Variants in STPG2 observed in about 807,000 individuals in gnomAD.
The protein encoded by STPG2 is sperm tail PG-rich repeat containing 2.
A neutral mutation model predicts 54.2 loss-of-function variants in STPG2; 56 were observed. The ratio of observed to expected loss-of-function variants is 1.03; its 90% CI spans 0.83 to 1.29. The LOEUF (loss-of-function observed/expected upper bound fraction) is 1.29. Ranked by LOEUF, STPG2 falls within the 50% of genes most tolerant of loss-of-function variation. STPG2 has a pLI of 0.00. For missense variants in STPG2, 596 were observed against 544.9 expected (o/e 1.09, Z -0.93); for synonymous variants, 200 against 181.8 (o/e 1.10, Z -0.81).
intron 4 of STPG2, among the ~76,000 whole-genome samples, chr4:97,540,317 C>A (rs996565307): frequency 6.6e-6 from 1 of 152,082 alleles, no homozygotes; most frequent in African/African-American, 2.4e-5. Context: ...CACAGACATA[C>A]AAACTACCAT....
At chr4:97,692,404 A>G (rs900766604) in intron 10 of STPG2, among the ~76,000 whole-genome samples, 2 of 152,090 alleles carry the variant, frequency 1.3e-5, no homozygotes, top group African/African-American at 2.4e-5. Flanking sequence ...AATGCACTGG[A>G]AAGTCTCAGC....
chr4:97,694,572 G>C (rs536043347), intron 10 of STPG2, among the ~76,000 whole-genome samples: 1 of 152,040 alleles, frequency 6.6e-6, no homozygotes, highest in Admixed American at 6.6e-5. Context: ...ACTTTGGGAG[G>C]CCGAGGCGGG....
At chr4:97,690,516 T>C (rs762652431) in intron 10 of STPG2, among the ~76,000 whole-genome samples, 10 of 152,010 alleles carry the variant, frequency 6.6e-5, no homozygotes, top group African/African-American at 1.2e-4. Context: ...ATAATGATTA[T>C]ACAAACTGAT....
chr4:97,614,606 T>C (rs9992841), intron 10 of STPG2, among the ~76,000 whole-genome samples: 97,067 of 151,924 alleles, frequency 0.64, 31,393 homozygotes, highest in African/African-American at 0.73. Flanking sequence ...CTTGACCAGT[T>C]ATCCACTTTT....
At chr4:97,922,764 C>T (rs557888609) in intron 8 of STPG2, among the ~76,000 whole-genome samples, 3 of 152,284 alleles carry the variant, frequency 2.0e-5, no homozygotes, top group African/African-American at 7.2e-5. Flanking sequence ...TTTCAATAGG[C>T]TTCTACATTC....
downstream of STPG2, among the ~76,000 whole-genome samples, chr4:97,554,705 C>T (rs185301469): frequency 9.3e-4 from 141 of 152,222 alleles, 2 homozygotes; most frequent in Non-Finnish European, 1.8e-3. Flanking sequence ...TATAAAACTC[C>T]AATGATAATA....
At chr4:97,879,408 T>A (rs891707072) in intron 8 of STPG2, among the ~76,000 whole-genome samples, 3 of 152,150 alleles carry the variant, frequency 2.0e-5, no homozygotes, top group African/African-American at 7.2e-5. Context: ...AATGGACTCA[T>A]AGTTCCACAT....
intron 4 of STPG2, among the ~76,000 whole-genome samples, chr4:97,541,380 A>G (rs2148861841): frequency 6.6e-6 from 1 of 152,332 alleles, no homozygotes; most frequent in South Asian, 2.1e-4. Flanking sequence ...ATTGCTTCAA[A>G]GAGAATAAAA....
intron 8 of STPG2, among the ~76,000 whole-genome samples, chr4:97,866,653 G>C (rs1426732534): frequency 6.6e-6 from 1 of 151,916 alleles, no homozygotes; most frequent in South Asian, 2.1e-4. Flanking sequence ...ACAGAATATA[G>C]ATGGGATCAT....
chr4:97,542,810 G>A (rs923224279), intron 4 of STPG2, among the ~76,000 whole-genome samples: 6 of 152,162 alleles, frequency 3.9e-5, no homozygotes, highest in Admixed American at 6.6e-5. Context: ...ATGAGTTCAT[G>A]TCCTTTGTAG....
intron 5 of STPG2, among the ~76,000 whole-genome samples, chr4:98,032,118 G>A (rs990207821): frequency 1.3e-5 from 2 of 152,214 alleles, no homozygotes; most frequent in African/African-American, 4.8e-5. Flanking sequence ...CTGCTGGTGG[G>A]AATGTAAACT....
chr4:97,998,763 T>C (rs1243358043), intron 5 of STPG2, among the ~76,000 whole-genome samples: 2 of 152,116 alleles, frequency 1.3e-5, no homozygotes, highest in Non-Finnish European at 2.9e-5. Flanking sequence ...GGCTCTACTG[T>C]TGGTGCTAGT....
intron 8 of STPG2, among the ~76,000 whole-genome samples, chr4:97,941,556 T>C (rs1161465627): frequency 2.6e-5 from 4 of 152,060 alleles, no homozygotes; most frequent in Non-Finnish European, 5.9e-5. Flanking sequence ...TGGGATGTTG[T>C]AAAAGAAATA....
rs550023223 is a variant in STPG2, at chr4:97,749,622, G to A, written c.1205-36808C>T. 2.4e-4 allele frequency among the ~76,000 whole-genome samples: 37 copies of A among 151,686 alleles called. No individual in the cohort carries two copies. In the Middle Eastern group the frequency reaches 0.01, roughly 42 times the overall value. On this transcript the variant is annotated intron_variant, in intron 9 of 10. Coordinates refer to ENST00000295268, the MANE Select transcript of STPG2 (RefSeq NM_174952.3). ...AGTAACCATAGATCTCAGTTGACCC[G>A]GAACAATGCCAAATTAGAACACTTG...
At chr4:97,741,600 AAC>A (rs1725237242) in intron 9 of STPG2, among the ~76,000 whole-genome samples, 1 of 152,224 alleles carries the variant, frequency 6.6e-6, no homozygotes, top group Non-Finnish European at 1.5e-5. Flanking sequence ...GCAGCCAAGA[AAC>A]ACATGAAAAA....
At chr4:97,632,463 G>A (rs149033190) in intron 10 of STPG2, among the ~76,000 whole-genome samples, 65 of 152,086 alleles carry the variant, frequency 4.3e-4, no homozygotes, top group Middle Eastern at 3.4e-3. Context: ...CTCATAATGT[G>A]AGAAGAAATT....
Position 97,946,159 on chromosome 4 carries a change from A to AT in STPG2, c.934-2153dup, listed in dbSNP as rs1400327989. 2.0e-5 allele frequency among the ~76,000 whole-genome samples: 3 copies of AT among 151,962 alleles called. No individual in the cohort carries two copies. In the South Asian group the frequency reaches 6.2e-4, roughly 32 times the overall value. On this transcript the variant is annotated intron_variant, in intron 7 of 10. Transcript: ENST00000295268. Reference sequence around the variant, plus strand: ...TCCCTGATGACTAGTGATGTTGAATATTTTTTCATATATTTGCTGGCCATT... The same window carrying AT: ...TCCCTGATGACTAGTGATGTTGAATATTTTTTTCATATATTTGCTGGCCATT...
chr4:97,861,993 G>A (rs1446951813), intron 8 of STPG2, among the ~76,000 whole-genome samples: 1 of 152,034 alleles, frequency 6.6e-6, no homozygotes, highest in East Asian at 1.9e-4. Flanking sequence ...GACCATCGAG[G>A]CTAGGAAGAA....
chr4:97,575,435 G>A (rs1578399981), intron 10 of STPG2, among the ~76,000 whole-genome samples: 1 of 152,048 alleles, frequency 6.6e-6, no homozygotes, highest in Non-Finnish European at 1.5e-5. Context: ...AGTCGAGTAG[G>A]CTTTATTCCT....
Sources: gnomAD v4.1 joint callset for allele counts (sites outside exome capture counted in the v4.1 genomes callset) on GRCh38, gnomAD v4.1.1 for gene constraint, MANE v1.5 for transcripts, NCBI Gene and HGNC (gene_info 2026-07-23, HGNC 2026-07-21) for gene names.